The following SORCS1 variants were observed in gnomAD, a reference collection of about 807,000 sequenced individuals.
The protein encoded by SORCS1 is VPS10 domain-containing receptor SorCS1.
A neutral mutation model predicts 146.1 loss-of-function variants in SORCS1; 60 were observed. The ratio of observed to expected loss-of-function variants is 0.41; its 90% CI spans 0.33 to 0.51. The LOEUF is 0.51. Ranked by LOEUF, SORCS1 falls within the 20% of genes least tolerant of loss-of-function variation. The probability of loss-of-function intolerance (pLI) is 0.21; values close to 1 mark genes in which losing one functional copy is unlikely to be tolerated. For synonymous variants in SORCS1, 637 were observed against 584.0 expected (o/e 1.09, Z -1.31); for missense variants, 1,352 against 1,487.6 (o/e 0.91, Z 1.50).
intron 2 of SORCS1, among the ~76,000 whole-genome samples, chr10:106,849,176 A>G (rs1475007295): frequency 6.7e-6 from 1 of 148,838 alleles, no homozygotes; most frequent in Non-Finnish European, 1.5e-5. Flanking sequence ...TATCCTGCAG[A>G]GTGTTTTCCA....
At chr10:106,903,343 G>T (rs556474227) in intron 2 of SORCS1, among the ~76,000 whole-genome samples, 1 of 152,250 alleles carries the variant, frequency 6.6e-6, no homozygotes, top group South Asian at 2.1e-4. Context: ...TAAAGCCAAG[G>T]CCATACATCT....
At chr10:106,622,108 G>A (rs1225849644) in intron 19 of SORCS1, among the ~76,000 whole-genome samples, 1 of 151,856 alleles carries the variant, frequency 6.6e-6, no homozygotes, top group Non-Finnish European at 1.5e-5. Context: ...TGGCCAACAT[G>A]GTGAAACCCC....
At chr10:106,849,930 G>T (rs1949477623) in intron 2 of SORCS1, among the ~76,000 whole-genome samples, 1 of 151,716 alleles carries the variant, frequency 6.6e-6, no homozygotes, top group South Asian at 2.1e-4. Flanking sequence ...ACTTGAGGAG[G>T]CAGTCTGCCC....
intron 2 of SORCS1, among the ~76,000 whole-genome samples, chr10:106,843,411 G>A (rs12260254): frequency 0.037 from 5,428 of 147,752 alleles, 282 homozygotes; most frequent in East Asian, 0.23. Context: ...TTCATGTTGC[G>A]GTAAAAGGCA....
At chr10:106,815,304 AAGGG>A (rs1240191824) in intron 3 of SORCS1, among the ~76,000 whole-genome samples, 1 of 152,136 alleles carries the variant, frequency 6.6e-6, no homozygotes, top group Non-Finnish European at 1.5e-5. Context: ...GGAAGGAATA[AAGGG>A]AGGGAGAGAG....
At chr10:107,031,471 G>A (rs1458444665) in intron 1 of SORCS1, among the ~76,000 whole-genome samples, 1 of 144,592 alleles carries the variant, frequency 6.9e-6, no homozygotes, top group African/African-American at 2.9e-5. Flanking sequence ...TTGGCAAACC[G>A]CCTTGAATGA....
intron 1 of SORCS1, among the ~76,000 whole-genome samples, chr10:107,161,092 C>T (rs937388125): frequency 3.9e-5 from 6 of 152,082 alleles, no homozygotes; most frequent in Non-Finnish European, 7.3e-5. Flanking sequence ...CACCCACAGA[C>T]GAGGCAAAAC....
intron 23 of SORCS1, among the ~76,000 whole-genome samples, chr10:106,599,976 G>A (rs1253283032): frequency 1.3e-5 from 2 of 152,056 alleles, no homozygotes; most frequent in African/African-American, 2.4e-5. Flanking sequence ...TTTTAGCAGA[G>A]ACAGTGTTTC....
At chr10:106,926,826 TATACACACACACACACACACACAC>T (rs1477490103) in intron 2 of SORCS1, among the ~76,000 whole-genome samples, 1 of 140,124 alleles carries the variant, frequency 7.1e-6, no homozygotes, top group Non-Finnish European at 1.5e-5. Context: ...AAGGAATATA[TATACACACACACACACACACACAC>T]ACACACACAC....
At chr10:107,097,126 A>G (rs1964594546) in intron 1 of SORCS1, among the ~76,000 whole-genome samples, 1 of 152,208 alleles carries the variant, frequency 6.6e-6, no homozygotes, top group Non-Finnish European at 1.5e-5. Flanking sequence ...CTGGGAAATG[A>G]CTGGCCAGTG....
intron 4 of SORCS1, among the ~76,000 whole-genome samples, chr10:106,767,646 G>A (rs1176893412): frequency 6.6e-6 from 1 of 151,896 alleles, no homozygotes; most frequent in African/African-American, 2.4e-5. Flanking sequence ...GCACCACCAC[G>A]CCCGGCTAAT....
At chr10:106,801,734 G>GT (rs1430408643) in intron 3 of SORCS1, among the ~76,000 whole-genome samples, 3 of 152,042 alleles carry the variant, frequency 2.0e-5, no homozygotes, top group Non-Finnish European at 4.4e-5. Flanking sequence ...GTTTCACTGT[G>GT]TTAGCCAGGA....
intron 1 of SORCS1, among the ~76,000 whole-genome samples, chr10:107,103,633 C>T (rs1965102467): frequency 6.6e-6 from 1 of 152,162 alleles, no homozygotes; most frequent in Non-Finnish European, 1.5e-5. Context: ...GGAGTTGTTG[C>T]TGTTGGAGAA....
chr10:106,872,007 A>G (rs1950423691), intron 2 of SORCS1, among the ~76,000 whole-genome samples: 3 of 152,262 alleles, frequency 2.0e-5, no homozygotes, highest in Admixed American at 2.0e-4. Flanking sequence ...GCCACTGTCA[A>G]TGAAACAAAT....
intron 24 of SORCS1, among the ~76,000 whole-genome samples, chr10:106,594,914 G>A (rs1271312323): frequency 6.6e-6 from 1 of 152,238 alleles, no homozygotes; most frequent in Non-Finnish European, 1.5e-5. Context: ...CTGATTAGAT[G>A]AAATAAATCA....
chr10:106,700,742 G>T (rs1002555670), intron 8 of SORCS1, among the ~76,000 whole-genome samples: 1 of 152,096 alleles, frequency 6.6e-6, no homozygotes, highest in South Asian at 2.1e-4. Context: ...CCTCTTTACC[G>T]TTTATCACAG....
At chr10:106,885,850 G>A (rs1950979850) in intron 2 of SORCS1, among the ~76,000 whole-genome samples, 2 of 152,096 alleles carry the variant, frequency 1.3e-5, no homozygotes, top group South Asian at 4.1e-4. Flanking sequence ...CTTTATAAGG[G>A]GAAATGCCTT....
chr10:107,111,368 A>C (rs1428212927), intron 1 of SORCS1, among the ~76,000 whole-genome samples: 1 of 152,226 alleles, frequency 6.6e-6, no homozygotes, highest in Non-Finnish European at 1.5e-5. Flanking sequence ...AAGAAATATA[A>C]ACCATAATAA....
At chr10:107,038,498 A>C (rs1234480868) in intron 1 of SORCS1, among the ~76,000 whole-genome samples, 1 of 152,092 alleles carries the variant, frequency 6.6e-6, no homozygotes, top group Admixed American at 6.5e-5. Flanking sequence ...TATGTAACAA[A>C]CCTGCACATT....
Sources: gnomAD v4.1 joint callset for allele counts (sites outside exome capture counted in the v4.1 genomes callset) on GRCh38, gnomAD v4.1.1 for gene constraint, MANE v1.5 for transcripts, NCBI Gene and HGNC (gene_info 2026-07-23, HGNC 2026-07-21) for gene names.